Variants in ZNF536 observed in about 807,000 individuals in gnomAD.
ZNF536 encodes zinc finger protein 536.
Under a neutral mutation model 84.5 loss-of-function variants are expected in ZNF536, and 13 were observed. The ratio of observed to expected loss-of-function variants is 0.15; its 90% CI spans 0.10 to 0.24. The LOEUF (loss-of-function observed/expected upper bound fraction) is 0.24. Ranked by LOEUF, ZNF536 falls within the 10% of genes least tolerant of loss-of-function variation. ZNF536 has a pLI of 1.00. For synonymous variants in ZNF536, 811 were observed against 742.5 expected (o/e 1.09, Z -1.50); for missense variants, 1,536 against 1,747.5 (o/e 0.88, Z 2.16).
chr19:30,688,003 G>A (rs2051261331), intron 1 of ZNF536, among the ~76,000 whole-genome samples: 1 of 118,484 alleles, frequency 8.4e-6, no homozygotes, highest in Non-Finnish European at 1.7e-5. Context: ...GCATAACAAT[G>A]TGTTTATGAC....
intron 1 of ZNF536, among the ~76,000 whole-genome samples, chr19:30,686,307 G>GT (rs1178621924): frequency 1.3e-5 from 2 of 151,450 alleles, no homozygotes; most frequent in Non-Finnish European, 2.9e-5. Context: ...GGCCAACTCT[G>GT]TTTTTTTCCT....
chr19:30,604,863 C>T (rs2047444283), intron 1 of ZNF536, among the ~76,000 whole-genome samples: 1 of 152,188 alleles, frequency 6.6e-6, no homozygotes. Context: ...CTGAAATCTT[C>T]GTGCATGAAT....
chr19:30,259,210 T>C (rs1346665809), intron 1 of ZNF536, among the ~76,000 whole-genome samples: 3 of 152,214 alleles, frequency 2.0e-5, no homozygotes, highest in Non-Finnish European at 4.4e-5. Context: ...TTTTGCTTTT[T>C]CTGCGTCATT....
At chr19:30,653,761 G>A (rs539441461) in intron 1 of ZNF536, among the ~76,000 whole-genome samples, 1 of 152,206 alleles carries the variant, frequency 6.6e-6, no homozygotes, top group African/African-American at 2.4e-5. Flanking sequence ...TCCCTTCTCC[G>A]CCAAGGGGTC....
chr19:30,571,690 C>T (rs559754857), intron 1 of ZNF536, among the ~76,000 whole-genome samples: 1 of 152,300 alleles, frequency 6.6e-6, no homozygotes, highest in East Asian at 1.9e-4. Context: ...GTGATCCCAA[C>T]ATCCGGCTTC....
In ZNF536 at chr19:30,444,010, C is replaced by A. The variant is rs867380993; in HGVS notation, c.448C>A (p.Arg150Ser). 6.2e-7 allele frequency: 1 copy of A among 1,613,736 alleles called. No individual in the cohort carries two copies. Among genetic ancestry groups the A allele is most frequent in the Non-Finnish European group, 8.5e-7 (1 of 1,180,022 alleles). The change falls in exon 2 of 5, where the codon CGC becomes AGC. Residue 150 changes from arginine to serine, a missense_variant. Physicochemically the swap from Arg to Ser is moderately radical, Grantham distance 110 (BLOSUM62 -1). Transcript: ENST00000355537. The part of the protein sequence containing the change: ...RFNSILSLHM[R>S]THTGEKPFKC... Reference sequence around the variant, plus strand: ...CAACAGCATCCTCTCCCTGCACATGCGCACGCACACGGGCGAGAAGCCCTT... The same window carrying A: ...CAACAGCATCCTCTCCCTGCACATGAGCACGCACACGGGCGAGAAGCCCTT...
chr19:30,313,224 G>A (rs2046565313), intron 2 of ZNF536, among the ~76,000 whole-genome samples: 1 of 152,218 alleles, frequency 6.6e-6, no homozygotes, highest in Admixed American at 6.5e-5. Flanking sequence ...GCGGGGTGGA[G>A]GTTTGCTTGC....
At chr19:30,493,841 G>A (rs887712175) in intron 2 of ZNF536, among the ~76,000 whole-genome samples, 1 of 151,368 alleles carries the variant, frequency 6.6e-6, no homozygotes, top group Non-Finnish European at 1.5e-5. Flanking sequence ...AGGGAGATAC[G>A]GTGTGTAAAG....
rs191326304 is a variant in ZNF536 at position 30,471,104 on chromosome 19, C to T, written c.2170+25372C>T. 5.0e-4 allele frequency among the ~76,000 whole-genome samples: 76 copies of T among 151,920 alleles called. 1 individual carries two copies. Among genetic ancestry groups the T allele is most frequent in the African/African-American group, 1.7e-3 (71 of 41,436 alleles). On this transcript the variant is annotated intron_variant, in intron 2 of 4. Transcript: ENST00000355537. ...CCAAAGTGCTGGGATTACAGGTGTA[C>T]GCCACCAGGCCTGGCTTAGACCGTT...
intron 1 of ZNF536, among the ~76,000 whole-genome samples, chr19:30,627,808 G>A (rs533145625): frequency 6.6e-6 from 1 of 152,186 alleles, no homozygotes; most frequent in Admixed American, 6.5e-5. Flanking sequence ...GATGGGCGGA[G>A]GACCAGTGAG....
chr19:30,417,159 T>G (rs979631931), intron 1 of ZNF536, among the ~76,000 whole-genome samples: 1 of 59,798 alleles, frequency 1.7e-5, no homozygotes, highest in Non-Finnish European at 3.8e-5. Context: ...TTTTTTTTTT[T>G]TTTTTTTTTT....
At chr19:30,638,593 A>C (rs1254311959) in intron 1 of ZNF536, among the ~76,000 whole-genome samples, 6 of 152,182 alleles carry the variant, frequency 3.9e-5, no homozygotes, top group Non-Finnish European at 8.8e-5. Context: ...CATTCAAGAG[A>C]AATCTTCCCC....
intron 1 of ZNF536, among the ~76,000 whole-genome samples, chr19:30,655,642 G>T (rs887606349): frequency 6.6e-6 from 1 of 152,208 alleles, no homozygotes; most frequent in Non-Finnish European, 1.5e-5. Context: ...TGCAAAGATG[G>T]GGAGGGTTTG....
chr19:30,694,083 G>C (rs773381240), intron 1 of ZNF536, among the ~76,000 whole-genome samples: 1 of 152,188 alleles, frequency 6.6e-6, no homozygotes, highest in Non-Finnish European at 1.5e-5. Flanking sequence ...GCTTTCAGTG[G>C]ATTGGATATC....
At chr19:30,645,261 G>A (rs2049422361) in intron 1 of ZNF536, among the ~76,000 whole-genome samples, 1 of 152,164 alleles carries the variant, frequency 6.6e-6, no homozygotes, top group African/African-American at 2.4e-5. Context: ...GTAGATTCTG[G>A]ATATTAGCCC....
At chr19:30,426,477 G>T (rs978253285) in intron 1 of ZNF536, among the ~76,000 whole-genome samples, 2 of 152,174 alleles carry the variant, frequency 1.3e-5, no homozygotes, top group African/African-American at 4.8e-5. Flanking sequence ...CTTCTTGCTT[G>T]CTTTATCAGG....
intron 2 of ZNF536, among the ~76,000 whole-genome samples, chr19:30,530,376 C>G (rs548972267): frequency 1.2e-4 from 18 of 150,558 alleles, no homozygotes; most frequent in African/African-American, 4.5e-4. Context: ...GATGGAGTTT[C>G]GCTCTTGTTG....
intron 2 of ZNF536, among the ~76,000 whole-genome samples, chr19:30,497,812 C>T (rs10407691): frequency 0.029 from 4,446 of 152,080 alleles, 201 homozygotes; most frequent in African/African-American, 0.1. Context: ...TACATTCTCA[C>T]GCTTGTCATG....
chr19:30,581,629 G>A (rs1599875271), intron 1 of ZNF536, among the ~76,000 whole-genome samples: 1 of 152,252 alleles, frequency 6.6e-6, no homozygotes, highest in East Asian at 1.9e-4. Flanking sequence ...GTCTGTGGCT[G>A]GAAGCAGGAC....
Sources: allele counts gnomAD v4.1 joint callset (sites outside exome capture counted in the v4.1 genomes callset), GRCh38; gene constraint gnomAD v4.1.1; transcripts MANE v1.5; gene names NCBI Gene and HGNC (gene_info 2026-07-23, HGNC 2026-07-21).